PTPRN2: variants seen among roughly 807,000 people sequenced by gnomAD.
The protein encoded by PTPRN2 is protein tyrosine phosphatase receptor type N2.
A neutral mutation model predicts 118.8 loss-of-function variants in PTPRN2; 74 were observed. The ratio of observed to expected loss-of-function variants is 0.62; its 90% CI spans 0.52 to 0.76. PTPRN2 has a LOEUF of 0.76. Ranked by LOEUF, PTPRN2 falls within the 30% of genes least tolerant of loss-of-function variation. The pLI is 0.00. For missense variants in PTPRN2, 1,481 were observed against 1,394.4 expected (o/e 1.06, Z -0.99); for synonymous variants, 641 against 608.0 (o/e 1.05, Z -0.80).
chr7:158,158,060 A>ATTTT (rs572206151), intron 6 of PTPRN2, among the ~76,000 whole-genome samples: 10 of 148,782 alleles, frequency 6.7e-5, no homozygotes, highest in African/African-American at 2.2e-4. Flanking sequence ...TTCTCTTCTA[A>ATTTT]TTTTTTTTTT....
intron 10 of PTPRN2, among the ~76,000 whole-genome samples, chr7:158,081,778 A>C (rs890186493): frequency 2.6e-5 from 4 of 152,202 alleles, no homozygotes; most frequent in Non-Finnish European, 4.4e-5. Context: ...GTATTTTTTA[A>C]ACTCTTTTGA....
chr7:158,542,065 G>A (rs1826016853), intron 1 of PTPRN2, among the ~76,000 whole-genome samples: 1 of 152,264 alleles, frequency 6.6e-6, no homozygotes, highest in African/African-American at 2.4e-5. Context: ...TATCTGGCTT[G>A]AGTTACAGTC....
rs537695325 is a variant in PTPRN2, at chr7:158,057,052, C to T, written c.1723+24246G>A. Among the ~76,000 whole-genome samples the T allele has an allele frequency of 3.9e-5, 6 of 152,358 alleles. 1 individual carries two copies. Among genetic ancestry groups the T allele is most frequent in the African/African-American group, 7.2e-5 (3 of 41,596 alleles). ...GACCCACCCAGCGACCCCAAGGTCA[C>T]GCCCTCTGTGGTTATTGGCAACTCG... On this transcript the variant is annotated intron_variant, in intron 11 of 22. Coordinates refer to ENST00000389418, the MANE Select transcript of PTPRN2 (RefSeq NM_002847.5).
intron 12 of PTPRN2, among the ~76,000 whole-genome samples, chr7:157,814,707 A>G (rs1310438919): frequency 2.0e-5 from 3 of 152,212 alleles, no homozygotes; most frequent in Admixed American, 2.0e-4. Flanking sequence ...TCTAAACCCA[A>G]ATGAACACAG....
At chr7:157,687,958 C>A (rs1198161615) in intron 12 of PTPRN2, among the ~76,000 whole-genome samples, 1 of 152,186 alleles carries the variant, frequency 6.6e-6, no homozygotes, top group Non-Finnish European at 1.5e-5. Context: ...ATTACAAAAT[C>A]TTTTCAGAAG....
chr7:157,602,006 A>G (rs778912024), intron 16 of PTPRN2, among the ~76,000 whole-genome samples: 6 of 152,230 alleles, frequency 3.9e-5, no homozygotes, highest in Non-Finnish European at 7.3e-5. Flanking sequence ...CACATCAGCG[A>G]GGCTTTGGTT....
At chr7:157,740,551 C>T (rs1800577554) in intron 12 of PTPRN2, 1 of 151,238 alleles carries the variant, frequency 6.6e-6, no homozygotes, top group Non-Finnish European at 1.5e-5. Context: ...TTCATGCTGC[C>T]ATGGCCATCA....
chr7:157,776,956 TCTC>T (rs1362980617), intron 12 of PTPRN2, among the ~76,000 whole-genome samples: 8 of 91,988 alleles, frequency 8.7e-5, no homozygotes, highest in Non-Finnish European at 1.5e-4. Context: ...TCCTCTTCCC[TCTC>T]CTCCTCCTCC....
intron 11 of PTPRN2, among the ~76,000 whole-genome samples, chr7:158,018,340 G>A (rs117518103): frequency 1.6e-3 from 251 of 152,282 alleles, no homozygotes; most frequent in Non-Finnish European, 3.2e-3. Flanking sequence ...TCTAACACAC[G>A]GCTAAGGTGG....
intron 2 of PTPRN2, among the ~76,000 whole-genome samples, chr7:158,347,694 T>C (rs911635704): frequency 9.8e-5 from 13 of 132,148 alleles, no homozygotes; most frequent in African/African-American, 3.5e-4. Context: ...TTGCTCTAGG[T>C]AGTACGGACA....
intron 6 of PTPRN2, among the ~76,000 whole-genome samples, chr7:158,150,616 C>A (rs1820894048): frequency 6.6e-6 from 1 of 152,160 alleles, no homozygotes; most frequent in Admixed American, 6.5e-5. Flanking sequence ...TCCTTAAGAT[C>A]TCGGTGTCAT....
At chr7:158,430,911 C>A (rs752825075) in intron 2 of PTPRN2, among the ~76,000 whole-genome samples, 4 of 152,146 alleles carry the variant, frequency 2.6e-5, no homozygotes, top group Non-Finnish European at 4.4e-5. Context: ...GCCATCTGAC[C>A]CTGGCTGTGT....
intron 1 of PTPRN2, among the ~76,000 whole-genome samples, chr7:158,501,180 C>G (rs938477201): frequency 1.1e-4 from 16 of 152,370 alleles, no homozygotes; most frequent in African/African-American, 3.4e-4. Flanking sequence ...GCAGCAACAA[C>G]CCACTTGCGG....
At chr7:157,712,305 CTG>C (rs1225760897) in intron 12 of PTPRN2, among the ~76,000 whole-genome samples, 1 of 152,166 alleles carries the variant, frequency 6.6e-6, no homozygotes, top group Non-Finnish European at 1.5e-5. Flanking sequence ...AGAGTACAAA[CTG>C]TGTCCCCTCA....
At chr7:157,782,514 C>CA (rs1803742831) in intron 12 of PTPRN2, among the ~76,000 whole-genome samples, 1 of 152,182 alleles carries the variant, frequency 6.6e-6, no homozygotes, top group African/African-American at 2.4e-5. Flanking sequence ...TGATCAGGGT[C>CA]AACCTATGAA....
chr7:158,125,857 C>A (rs1429970175), intron 9 of PTPRN2, among the ~76,000 whole-genome samples: 2 of 152,160 alleles, frequency 1.3e-5, no homozygotes, highest in Non-Finnish European at 2.9e-5. Flanking sequence ...GAAGGACGAG[C>A]AGGAAGCATC....
At chr7:158,224,901 G>T (rs1047483225) in intron 3 of PTPRN2, among the ~76,000 whole-genome samples, 1 of 152,098 alleles carries the variant, frequency 6.6e-6, no homozygotes, top group Admixed American at 6.5e-5. Context: ...ATTAGAAAAA[G>T]GGTGAGAGAT....
intron 22 of PTPRN2, among the ~76,000 whole-genome samples, chr7:157,548,238 C>A (rs963078514): frequency 2.0e-5 from 3 of 152,076 alleles, no homozygotes; most frequent in African/African-American, 7.2e-5. Context: ...CAACAACAAA[C>A]AAACAACAAC....
chr7:158,348,233 G>A (rs1294329880), intron 2 of PTPRN2, among the ~76,000 whole-genome samples: 12 of 152,064 alleles, frequency 7.9e-5, no homozygotes, highest in Non-Finnish European at 1.5e-5. Context: ...GGGAGATGCT[G>A]CAGATCCCGG....
Sources: gnomAD v4.1 joint callset for allele counts (sites outside exome capture counted in the v4.1 genomes callset) on GRCh38, gnomAD v4.1.1 for gene constraint, MANE v1.5 for transcripts, NCBI Gene and HGNC (gene_info 2026-07-23, HGNC 2026-07-21) for gene names.